Variants in ANXA4 observed in about 807,000 individuals in gnomAD.
ANXA4 encodes the protein annexin A4, also known as 35-beta calcimedin.
Under a neutral mutation model 49.8 loss-of-function variants are expected in ANXA4, and 39 were observed. That is an observed-to-expected ratio of 0.78 (90% CI 0.61 to 1.02). ANXA4 has a LOEUF of 1.02. ANXA4 is among the 50% of genes least tolerant of loss of function. ANXA4 has a pLI of 0.00. For missense variants in ANXA4, 360 were observed against 410.1 expected (o/e 0.88, Z 1.05); for synonymous variants, 134 against 152.5 (o/e 0.88, Z 0.89).
intron 3 of ANXA4, among the ~76,000 whole-genome samples, chr2:69,795,308 C>T (rs1224809262): frequency 6.6e-6 from 1 of 152,024 alleles, no homozygotes. Context: ...TACAGGCAAA[C>T]AGGTATTGAG....
chr2:69,724,221 T>C (rs901741150), intron 3 of ANXA4, among the ~76,000 whole-genome samples: 1 of 152,244 alleles, frequency 6.6e-6, no homozygotes, highest in African/African-American at 2.4e-5. Context: ...GTACCCATCT[T>C]GTGCCCCATC....
chr2:69,732,257 G>A (rs976634935), intron 3 of ANXA4, among the ~76,000 whole-genome samples: 4 of 151,584 alleles, frequency 2.6e-5, no homozygotes, highest in South Asian at 2.1e-4. Flanking sequence ...GATTACAGGC[G>A]TGAGCCACCG....
chr2:69,804,159 A>AAC (rs869141655), intron 3 of ANXA4, among the ~76,000 whole-genome samples: 4 of 145,266 alleles, frequency 2.8e-5, no homozygotes, highest in African/African-American at 1.1e-4. Flanking sequence ...AAAAAAAAAA[A>AAC]TATTCTAGAG....
At chr2:69,799,771 C>G (rs887429560) in intron 3 of ANXA4, among the ~76,000 whole-genome samples, 15 of 152,106 alleles carry the variant, frequency 9.9e-5, no homozygotes, top group African/African-American at 3.4e-4. Context: ...AGAAGTATCC[C>G]CTGGTTCTTA....
At chr2:69,660,513 C>T (rs559979656) in intron 2 of ANXA4, among the ~76,000 whole-genome samples, 1 of 152,108 alleles carries the variant, frequency 6.6e-6, no homozygotes, top group Admixed American at 6.5e-5. Context: ...ATTAGACTAA[C>T]ATTCTAAAAG....
intron 1 of ANXA4, among the ~76,000 whole-genome samples, chr2:69,747,499 C>G (rs1037498827): frequency 2.0e-5 from 3 of 152,188 alleles, no homozygotes; most frequent in African/African-American, 7.2e-5. Context: ...GTGGTTCTCA[C>G]CCTTCTTGGA....
Position 69,818,905 on chromosome 2 carries a change from C to G in ANXA4, c.724+211C>G, listed in dbSNP as rs78131371. Among the ~76,000 whole-genome samples the G allele has an allele frequency of 7.2e-4, 109 of 152,256 alleles. No homozygotes were observed. In the East Asian group the frequency reaches 0.019, roughly 26 times the overall value. On this transcript the variant is annotated intron_variant, in intron 10 of 12. Coordinates refer to ENST00000394295, the MANE Select transcript of ANXA4 (RefSeq NM_001153.5). ...GTTTATATATTTTATATCTTCTGTG[C>G]CTTTGTATGTCCTATGTGAAAGGTA...
At chr2:69,719,448 A>AT (rs975057809) in intron 2 of ANXA4, among the ~76,000 whole-genome samples, 10 of 146,262 alleles carry the variant, frequency 6.8e-5, no homozygotes, top group South Asian at 2.2e-4. Flanking sequence ...AATTATTATT[A>AT]TTTTTTTTTG....
At chr2:69,749,086 G>A (rs1670738929) in intron 1 of ANXA4, among the ~76,000 whole-genome samples, 1 of 152,098 alleles carries the variant, frequency 6.6e-6, no homozygotes, top group Non-Finnish European at 1.5e-5. Context: ...TGATGTTTGG[G>A]GGAATTCAGC....
At chr2:69,670,654 A>C (rs1677143490) in intron 2 of ANXA4, among the ~76,000 whole-genome samples, 1 of 152,090 alleles carries the variant, frequency 6.6e-6, no homozygotes, top group South Asian at 2.1e-4. Flanking sequence ...ATACATGGGG[A>C]AGAGTAAATA....
chr2:69,788,660 AC>A (rs1301966108), intron 3 of ANXA4, among the ~76,000 whole-genome samples: 1 of 151,432 alleles, frequency 6.6e-6, no homozygotes, highest in African/African-American at 2.4e-5. Flanking sequence ...ACACGGTGAA[AC>A]CCCGTCTCTA....
chr2:69,649,162 A>G (rs1676128910), intron 1 of ANXA4, among the ~76,000 whole-genome samples: 1 of 152,210 alleles, frequency 6.6e-6, no homozygotes, highest in East Asian at 1.9e-4. Flanking sequence ...CTGGGATTAC[A>G]GGTGTGAGCC....
At chr2:69,723,133 G>A (rs1351929890) in intron 3 of ANXA4, among the ~76,000 whole-genome samples, 3 of 149,872 alleles carry the variant, frequency 2.0e-5, no homozygotes, top group African/African-American at 7.3e-5. Context: ...GGAGGTTGCA[G>A]TGAGCCGAGA....
chr2:69,807,399 A>G (rs570917558), intron 5 of ANXA4, among the ~76,000 whole-genome samples: 1 of 152,288 alleles, frequency 6.6e-6, no homozygotes, highest in South Asian at 2.1e-4. Flanking sequence ...TTAATGACCA[A>G]GTATGTAATG....
chr2:69,816,267 G>T, intron 9 of ANXA4, 73 bp downstream of exon 9: 4 of 1,255,116 alleles, frequency 3.2e-6, no homozygotes, highest in South Asian at 1.2e-5. Context: ...ATAAGTAGTT[G>T]ATAACCTTCC....
chr2:69,770,124 G>A (rs1671651468), intron 1 of ANXA4, among the ~76,000 whole-genome samples: 1 of 152,172 alleles, frequency 6.6e-6, no homozygotes, highest in South Asian at 2.1e-4. Context: ...TAGTAGGCAG[G>A]CCTCCAAATT....
intron 2 of ANXA4, among the ~76,000 whole-genome samples, chr2:69,685,040 T>G (rs72899490): frequency 6.6e-6 from 1 of 152,140 alleles, no homozygotes; most frequent in Non-Finnish European, 1.5e-5. Context: ...TGGGGCATCA[T>G]AGAGAATAGG....
intron 3 of ANXA4, among the ~76,000 whole-genome samples, chr2:69,732,361 G>C (rs535134572): frequency 1.3e-5 from 2 of 152,250 alleles, no homozygotes; most frequent in East Asian, 3.9e-4. Flanking sequence ...CTGTAGATCA[G>C]GTAAACGAGA....
intron 12 of ANXA4, among the ~76,000 whole-genome samples, chr2:69,824,459 C>T (rs993955795): frequency 6.8e-5 from 10 of 147,574 alleles, no homozygotes; most frequent in Non-Finnish European, 1.5e-4. Context: ...GCCAGGATTG[C>T]ACCATTGCAC....
Sources: allele counts gnomAD v4.1 joint callset (sites outside exome capture counted in the v4.1 genomes callset), GRCh38; gene constraint gnomAD v4.1.1; transcripts MANE v1.5; gene names NCBI Gene and HGNC (gene_info 2026-07-23, HGNC 2026-07-21).